Variants in WIPF3 observed in about 807,000 individuals in gnomAD.
The protein encoded by WIPF3 is WAS/WASL interacting protein family member 3.
Under a neutral mutation model 38.9 loss-of-function variants are expected in WIPF3, and 33 were observed. That is an observed-to-expected ratio of 0.85 (90% CI 0.64 to 1.14). The LOEUF (loss-of-function observed/expected upper bound fraction) is 1.14, where lower values mean the gene tolerates loss of function less well. Ranked by LOEUF, WIPF3 falls within the 50% of genes most tolerant of loss-of-function variation. WIPF3 has a pLI of 0.00. For missense variants in WIPF3, 711 were observed against 652.5 expected (o/e 1.09, Z -0.98); for synonymous variants, 324 against 269.3 (o/e 1.20, Z -1.99).
At chr7:29,822,039 T>A (rs917765274) in intron 1 of WIPF3, among the ~76,000 whole-genome samples, 3 of 152,050 alleles carry the variant, frequency 2.0e-5, no homozygotes, top group African/African-American at 7.2e-5. Context: ...ACAGTGTTTA[T>A]CTGCTTTACA....
intron 2 of WIPF3, among the ~76,000 whole-genome samples, chr7:29,838,947 T>G (rs1483604403): frequency 2.0e-5 from 3 of 152,200 alleles, no homozygotes; most frequent in Non-Finnish European, 4.4e-5. Context: ...AAAGAATACA[T>G]GCTGTATGAT....
chr7:29,838,143 C>T (rs1293752740), intron 2 of WIPF3, among the ~76,000 whole-genome samples: 1 of 152,206 alleles, frequency 6.6e-6, no homozygotes, highest in African/African-American at 2.4e-5. Context: ...TGGTCTTGAT[C>T]TCCTGACTTT....
chr7:29,890,634 C>T (rs2128077779), intron 7 of WIPF3, among the ~76,000 whole-genome samples: 1 of 152,354 alleles, frequency 6.6e-6, no homozygotes, highest in South Asian at 2.1e-4. Flanking sequence ...GTCCTTTCTG[C>T]AGAACTCAAC....
intron 8 of WIPF3, among the ~76,000 whole-genome samples, chr7:29,912,980 A>T (rs1212757038): frequency 2.0e-5 from 3 of 152,244 alleles, no homozygotes; most frequent in African/African-American, 7.2e-5. Context: ...AGAGTTAAAC[A>T]AAAGTGGGTA....
At position 29,879,129 on chromosome 7, in the gene WIPF3, G is replaced by A. The variant is rs372583980; in HGVS notation, c.344G>A (p.Arg115Gln). Residue 115 changes from arginine (R) to glutamine (Q), a missense_variant, in exon 4 of 9, where the codon CGG becomes CAG. Transcript: ENST00000242140. ...GFPVLRPAGQ[R>Q]DVAGGKTGQG... Reference sequence around the variant, plus strand: ...CCTGTATTGCGACCAGCAGGCCAGCGGGATGTAGCAGGTAAGGAAGAATTC... The same window carrying A: ...CCTGTATTGCGACCAGCAGGCCAGCAGGATGTAGCAGGTAAGGAAGAATTC... 7.6e-5 allele frequency: 122 copies of A among 1,611,262 alleles called. No homozygotes were observed. Among genetic ancestry groups the A allele is most frequent in the Non-Finnish European group, 9.6e-5 (113 of 1,178,596 alleles).
chr7:29,828,843 C>A (rs1272349068), intron 1 of WIPF3, among the ~76,000 whole-genome samples: 1 of 152,212 alleles, frequency 6.6e-6, no homozygotes, highest in Admixed American at 6.5e-5. Context: ...GAAATTCCTC[C>A]AGCATAGGGT....
At chr7:29,814,635 T>C (rs138003977) in intron 1 of WIPF3, among the ~76,000 whole-genome samples, 5 of 152,368 alleles carry the variant, frequency 3.3e-5, no homozygotes, top group African/African-American at 1.2e-4. Flanking sequence ...GATTACCTTA[T>C]GTCTTTGAGC....
intron 7 of WIPF3, among the ~76,000 whole-genome samples, chr7:29,891,493 C>A (rs1167329742): frequency 6.6e-6 from 1 of 152,126 alleles, no homozygotes; most frequent in African/African-American, 2.4e-5. Context: ...ATGTAAATAC[C>A]AACTGCTCTG....
intron 2 of WIPF3, among the ~76,000 whole-genome samples, chr7:29,851,433 C>T (rs1053740994): frequency 1.3e-5 from 2 of 152,198 alleles, no homozygotes; most frequent in African/African-American, 4.8e-5. Flanking sequence ...AAATCCTGAC[C>T]CTCATCTGGG....
intron 2 of WIPF3, among the ~76,000 whole-genome samples, chr7:29,860,920 C>G (rs954767746): frequency 6.6e-6 from 1 of 150,790 alleles, no homozygotes; most frequent in Non-Finnish European, 1.5e-5. Flanking sequence ...TGTTTGTGCA[C>G]GGTGGGGAGC....
At chr7:29,869,813 T>C (rs928969223) in intron 2 of WIPF3, among the ~76,000 whole-genome samples, 1 of 152,174 alleles carries the variant, frequency 6.6e-6, no homozygotes, top group African/African-American at 2.4e-5. Context: ...GATGTGCAGT[T>C]TGTAGTTAGG....
At chr7:29,904,894 A>T (rs909633780) in intron 8 of WIPF3, 1 of 153,164 alleles carries the variant, frequency 6.5e-6, no homozygotes, top group African/African-American at 2.4e-5. Context: ...CCTTGAAGAA[A>T]CACCTTTAAT....
chr7:29,906,543 C>A (rs1241256734), intron 8 of WIPF3, among the ~76,000 whole-genome samples: 1 of 151,940 alleles, frequency 6.6e-6, no homozygotes, highest in African/African-American at 2.4e-5. Context: ...CTGTGGGAGA[C>A]CATCTAGCAG....
chr7:29,911,886 G>C (rs1786511545), intron 8 of WIPF3, among the ~76,000 whole-genome samples: 2 of 152,072 alleles, frequency 1.3e-5, no homozygotes, highest in South Asian at 4.1e-4. Flanking sequence ...TGATTTCTTG[G>C]ATATGACACT....
intron 1 of WIPF3, among the ~76,000 whole-genome samples, chr7:29,832,133 A>G (rs1381691026): frequency 6.6e-6 from 1 of 152,248 alleles, no homozygotes; most frequent in African/African-American, 2.4e-5. Context: ...AGATCCTTAT[A>G]TAATGAGACC....
chr7:29,884,181 A>AC lies in WIPF3; in HGVS notation c.689dup (p.Pro231SerfsTer14). 1 of 934,200 alleles carries AC rather than the reference A, an allele frequency of 1.1e-6. No individual in the cohort carries two copies. 57.9% of individuals were successfully genotyped at this position (934,200 alleles called of 1,614,324 possible). Reference sequence around the variant, plus strand: ...GTGCGCCACCACCTCCACCTCCGCCACCTCCCCCAACGCCACCCCCGCTGC... The same window carrying AC: ...GTGCGCCACCACCTCCACCTCCGCCACCCTCCCCCAACGCCACCCCCGCTGC... On this transcript the variant is annotated frameshift_variant, in exon 5 of 9. Coordinates refer to ENST00000242140, the MANE Select transcript of WIPF3 (RefSeq NM_001080529.3). LOFTEE classifies it high-confidence loss of function.
At chr7:29,819,778 TTAAA>T (rs1784509326) in intron 1 of WIPF3, among the ~76,000 whole-genome samples, 1 of 152,050 alleles carries the variant, frequency 6.6e-6, no homozygotes, top group Non-Finnish European at 1.5e-5. Flanking sequence ...CCAAGATCTG[TTAAA>T]TAAAGTTTAA....
chr7:29,900,732 C>T (rs1786258423), intron 7 of WIPF3, among the ~76,000 whole-genome samples: 1 of 152,222 alleles, frequency 6.6e-6, no homozygotes, highest in Non-Finnish European at 1.5e-5. Context: ...CAACTCCTTC[C>T]TGTACAGCTA....
chr7:29,859,855 T>A (rs1473415056), intron 2 of WIPF3, among the ~76,000 whole-genome samples: 1 of 152,196 alleles, frequency 6.6e-6, no homozygotes, highest in Non-Finnish European at 1.5e-5. Context: ...AACTTAGGGC[T>A]CCCTGAGAGA....
Sources: allele counts gnomAD v4.1 joint callset (sites outside exome capture counted in the v4.1 genomes callset), GRCh38; gene constraint gnomAD v4.1.1; transcripts MANE v1.5; gene names NCBI Gene and HGNC (gene_info 2026-07-23, HGNC 2026-07-21).